HCN1: variants seen among roughly 807,000 people sequenced by gnomAD.
HCN1 encodes hyperpolarization activated cyclic nucleotide gated potassium channel 1, also known as potassium/sodium hyperpolarization-activated cyclic nucleotide-gated channel 1.
In HCN1, 13 loss-of-function variants were observed where a neutral mutation model predicts 78.9. The ratio of observed to expected loss-of-function variants is 0.16; its 90% CI spans 0.11 to 0.26. The LOEUF (loss-of-function observed/expected upper bound fraction) is 0.26. Among genes scored for constraint, HCN1 ranks in the 10% least tolerant of loss-of-function variants. The pLI, the probability that HCN1 is intolerant of heterozygous loss-of-function variation, is 1.00. For missense variants in HCN1, 810 were observed against 1,154.3 expected, an observed-to-expected ratio of 0.70 and a Z score of 4.32; for synonymous variants, 552 against 455.5, an observed-to-expected ratio of 1.21 and a Z score of -2.70.
chr5:45,433,184 C>T lies in HCN1; in HGVS notation c.1011+28662G>A, dbSNP rs184879378. 7.2e-5 allele frequency among the ~76,000 whole-genome samples: 11 copies of T among 152,068 alleles called. No individual in the cohort carries two copies. In the South Asian group the frequency reaches 8.3e-4, roughly 12 times the overall value. ...ATGGACACGTTTGTTGATTTGAGTA[C>T]GCTGAACTACCTTGCAACCCAGGAA... On this transcript the variant is annotated intron_variant, in intron 3 of 7. Transcript: ENST00000303230.
chr5:45,319,670 T>C (rs1746081534), intron 5 of HCN1, among the ~76,000 whole-genome samples: 1 of 151,766 alleles, frequency 6.6e-6, no homozygotes, highest in African/African-American at 2.4e-5. Flanking sequence ...TTTATTGTAA[T>C]TGTTTTGTTG....
At chr5:45,345,682 C>T (rs1241173987) in intron 5 of HCN1, among the ~76,000 whole-genome samples, 1 of 152,196 alleles carries the variant, frequency 6.6e-6, no homozygotes, top group East Asian at 1.9e-4. Context: ...ACCATCTCAG[C>T]CTGGGCTTTA....
chr5:45,442,753 A>G (rs1740704587), intron 3 of HCN1, among the ~76,000 whole-genome samples: 1 of 152,096 alleles, frequency 6.6e-6, no homozygotes, highest in South Asian at 2.1e-4. Flanking sequence ...AGTATGCTTT[A>G]CCAATTCACC....
chr5:45,344,637 G>A (rs1360938808), intron 5 of HCN1, among the ~76,000 whole-genome samples: 1 of 152,138 alleles, frequency 6.6e-6, no homozygotes, highest in Non-Finnish European at 1.5e-5. Flanking sequence ...AAATAAGCAG[G>A]GCAGTCAAAT....
At chr5:45,474,684 T>G (rs1741475727) in intron 2 of HCN1, among the ~76,000 whole-genome samples, 1 of 151,932 alleles carries the variant, frequency 6.6e-6, no homozygotes, top group African/African-American at 2.4e-5. Flanking sequence ...TCTCAGTTTT[T>G]TAGCCTACAT....
At chr5:45,318,731 C>G (rs1746058838) in intron 5 of HCN1, among the ~76,000 whole-genome samples, 1 of 151,778 alleles carries the variant, frequency 6.6e-6, no homozygotes, top group Non-Finnish European at 1.5e-5. Context: ...TACAACATAA[C>G]TTGAAGTGGA....
intron 2 of HCN1, among the ~76,000 whole-genome samples, chr5:45,498,543 G>T (rs115090969): frequency 0.016 from 2,414 of 152,208 alleles, 63 homozygotes; most frequent in African/African-American, 0.055. Flanking sequence ...TCCTCCCATT[G>T]CTCGGAGTAA....
chr5:45,391,268 A>T (rs965262818), intron 4 of HCN1, among the ~76,000 whole-genome samples: 5 of 152,062 alleles, frequency 3.3e-5, no homozygotes, highest in Admixed American at 6.6e-5. Flanking sequence ...GTATCAAAAC[A>T]TTTTTTATTT....
At chr5:45,478,953 T>C (rs1163673187) in intron 2 of HCN1, among the ~76,000 whole-genome samples, 14 of 151,812 alleles carry the variant, frequency 9.2e-5, no homozygotes. Context: ...TAAACCCGTG[T>C]CTCCTAAAAA....
chr5:45,290,950 G>C (rs1253566589), intron 6 of HCN1, among the ~76,000 whole-genome samples: 3 of 151,952 alleles, frequency 2.0e-5, no homozygotes, highest in Non-Finnish European at 4.4e-5. Flanking sequence ...CTGAAATATA[G>C]GTTATTCTTG....
intron 6 of HCN1, among the ~76,000 whole-genome samples, chr5:45,302,766 G>A (rs1745654045): frequency 6.6e-6 from 1 of 151,824 alleles, no homozygotes; most frequent in Non-Finnish European, 1.5e-5. Flanking sequence ...TTGAATCATG[G>A]GGGCTGGTCT....
intron 4 of HCN1, among the ~76,000 whole-genome samples, chr5:45,372,940 A>G (rs1747451675): frequency 7.0e-6 from 1 of 142,156 alleles, no homozygotes; most frequent in Non-Finnish European, 1.5e-5. Flanking sequence ...TATACATAAA[A>G]ATATATAAGT....
chr5:45,525,170 G>A lies in HCN1; in HGVS notation c.850-63163C>T, dbSNP rs543114095. ...TGCTGGATTACATTTATTGATTTGC[G>A]TACATTGAACCAGCCTTACATCCCA... On this transcript the variant is annotated intron_variant, in intron 2 of 7. Coordinates refer to ENST00000303230, the MANE Select transcript of HCN1 (RefSeq NM_021072.4). Among the ~76,000 whole-genome samples the A allele has an allele frequency of 1.3e-3, 195 of 152,058 alleles. 1 individual carries two copies. The highest frequency in any genetic ancestry group is 3.2e-3 in the African/African-American group (132 of 41,516).
intron 2 of HCN1, among the ~76,000 whole-genome samples, chr5:45,525,699 T>A (rs1742723842): frequency 6.6e-6 from 1 of 152,038 alleles, no homozygotes; most frequent in South Asian, 2.1e-4. Flanking sequence ...GTAATTGATT[T>A]GCCCCAGTCT....
intron 5 of HCN1, among the ~76,000 whole-genome samples, chr5:45,343,663 A>T (rs982018052): frequency 3.9e-5 from 6 of 152,162 alleles, no homozygotes; most frequent in African/African-American, 1.4e-4. Context: ...TCATTATATA[A>T]TCTACTACAT....
intron 1 of HCN1, among the ~76,000 whole-genome samples, chr5:45,656,496 T>C (rs1006531525): frequency 5.3e-5 from 8 of 152,310 alleles, no homozygotes; most frequent in Middle Eastern, 3.4e-3. Flanking sequence ...TGCTAGTCCA[T>C]GGGTTGCCAG....
intron 1 of HCN1, among the ~76,000 whole-genome samples, chr5:45,673,904 G>A (rs912531339): frequency 4.0e-5 from 6 of 151,432 alleles, no homozygotes; most frequent in African/African-American, 1.5e-4. Context: ...CATGAAACGT[G>A]ATTTCAAGTA....
At chr5:45,361,909 G>C (rs917718367) in intron 4 of HCN1, among the ~76,000 whole-genome samples, 2 of 151,984 alleles carry the variant, frequency 1.3e-5, no homozygotes, top group Non-Finnish European at 2.9e-5. Flanking sequence ...AGTGTATTTA[G>C]CAATTAGAAG....
intron 2 of HCN1, among the ~76,000 whole-genome samples, chr5:45,618,788 G>A (rs943519417): frequency 2.0e-5 from 3 of 151,926 alleles, no homozygotes; most frequent in East Asian, 1.9e-4. Context: ...TAACTTAAAT[G>A]GCTAGATGAA....
Sources: gnomAD v4.1 joint callset for allele counts (sites outside exome capture counted in the v4.1 genomes callset) on GRCh38, gnomAD v4.1.1 for gene constraint, MANE v1.5 for transcripts, NCBI Gene and HGNC (gene_info 2026-07-23, HGNC 2026-07-21) for gene names.